Variants in SEMA3A observed in about 807,000 individuals in gnomAD.
SEMA3A encodes the protein semaphorin 3A, also known as semaphorin-3A.
Under a neutral mutation model 97.9 loss-of-function variants are expected in SEMA3A, and 29 were observed. The observed-to-expected ratio is 0.30, with a 90% CI of 0.22 to 0.40. The LOEUF (loss-of-function observed/expected upper bound fraction) is 0.40, where lower values mean the gene tolerates loss of function less well. Among genes scored for constraint, SEMA3A ranks in the 10% least tolerant of loss-of-function variants. SEMA3A has a pLI of 1.00. For missense variants in SEMA3A, 763 were observed against 951.3 expected (o/e 0.80, Z 2.60); for synonymous variants, 321 against 323.7 (o/e 0.99, Z 0.09).
intron 2 of SEMA3A, among the ~76,000 whole-genome samples, chr7:84,358,639 T>G (rs60050710): frequency 0.25 from 37,376 of 151,976 alleles, 4,950 homozygotes; most frequent in South Asian, 0.36. Flanking sequence ...TGGTTCCATA[T>G]GAACTTTAAA....
chr7:84,050,164 G>A (rs1193082932), intron 5 of SEMA3A, among the ~76,000 whole-genome samples: 2 of 151,928 alleles, frequency 1.3e-5, no homozygotes, highest in African/African-American at 2.4e-5. Flanking sequence ...GAATAATGCC[G>A]CAATAAACAT....
At chr7:84,246,094 G>C (rs115053091) in intron 3 of SEMA3A, among the ~76,000 whole-genome samples, 3,831 of 152,288 alleles carry the variant, frequency 0.025, 170 homozygotes, top group African/African-American at 0.087. Flanking sequence ...GCTACAGCAG[G>C]ATTTGCAGCA....
chr7:84,416,035 A>C (rs922472601), intron 1 of SEMA3A, among the ~76,000 whole-genome samples: 1 of 152,130 alleles, frequency 6.6e-6, no homozygotes, highest in Non-Finnish European at 1.5e-5. Context: ...CCATTTAGTT[A>C]AATAGACTCC....
intron 3 of SEMA3A, among the ~76,000 whole-genome samples, chr7:84,202,232 A>G (rs1798373971): frequency 6.6e-6 from 1 of 152,162 alleles, no homozygotes; most frequent in South Asian, 2.1e-4. Context: ...AAGTGTTCTC[A>G]CCACAAAAGT....
chr7:84,139,650 G>C (rs150422927), intron 1 of SEMA3A, among the ~76,000 whole-genome samples: 1 of 151,894 alleles, frequency 6.6e-6, no homozygotes, highest in African/African-American at 2.4e-5. Flanking sequence ...CATAGCTTGC[G>C]GGGCAGAAAA....
At chr7:84,194,277 T>C (rs962908863) in intron 1 of SEMA3A, among the ~76,000 whole-genome samples, 198 bp downstream of exon 1, 5 of 152,104 alleles carry the variant, frequency 3.3e-5, no homozygotes, top group Middle Eastern at 3.4e-3. Context: ...TTGTTTGCAT[T>C]TAAGTTGTCA....
chr7:84,336,403 CTTT>C (rs936003544), intron 2 of SEMA3A, among the ~76,000 whole-genome samples: 1 of 152,074 alleles, frequency 6.6e-6, no homozygotes, highest in Admixed American at 6.6e-5. Context: ...AAAACTTCTT[CTTT>C]TTTCCCCCCA....
At chr7:84,076,407 T>C (rs970372986) in intron 4 of SEMA3A, among the ~76,000 whole-genome samples, 3 of 152,128 alleles carry the variant, frequency 2.0e-5, no homozygotes, top group African/African-American at 4.8e-5. Flanking sequence ...AAAAACCACA[T>C]AACCTATTTC....
At chr7:84,417,794 G>A (rs1804475010) in intron 1 of SEMA3A, among the ~76,000 whole-genome samples, 1 of 152,060 alleles carries the variant, frequency 6.6e-6, no homozygotes, top group Non-Finnish European at 1.5e-5. Context: ...GGGGTTGGAT[G>A]AGTGGATAGA....
chr7:84,224,795 T>C (rs1375819055), intron 3 of SEMA3A, among the ~76,000 whole-genome samples: 2 of 152,180 alleles, frequency 1.3e-5, no homozygotes, highest in African/African-American at 4.8e-5. Context: ...GGTTCTTTTA[T>C]AGACAGACCT....
intron 12 of SEMA3A, among the ~76,000 whole-genome samples, chr7:83,996,341 C>T (rs10232264): frequency 0.17 from 22,928 of 135,876 alleles, 2,114 homozygotes; most frequent in Middle Eastern, 0.28. Context: ...CTCCCTCTGT[C>T]GCTCAGGCTG....
In SEMA3A at chr7:84,134,960, T is replaced by C. The variant is rs987862553; in HGVS notation, c.113-9A>G. ...GTTGGATTCCAACATTTCTGCAAGGTAACAAAGCAAAACATTGGGTATTAA... is the reference window on the plus strand; with the variant it reads ...GTTGGATTCCAACATTTCTGCAAGGCAACAAAGCAAAACATTGGGTATTAA... On this transcript the variant is annotated splice_polypyrimidine_tract_variant and intron_variant, in intron 1 of 16. Coordinates refer to ENST00000265362, the MANE Select transcript of SEMA3A (RefSeq NM_006080.3). 2 of 1,611,500 alleles carry C rather than the reference T, an allele frequency of 1.2e-6. No individual in the cohort carries two copies. The highest frequency in any genetic ancestry group is 3.4e-5 in the Admixed American group (2 of 59,594).
intron 1 of SEMA3A, among the ~76,000 whole-genome samples, chr7:84,445,436 G>C (rs1461336352): frequency 1.6e-5 from 2 of 121,650 alleles, no homozygotes; most frequent in African/African-American, 3.1e-5. Context: ...AGAGCTTCTA[G>C]TGAACCGAGA....
At chr7:84,491,730 A>G (rs1376304764) in intron 1 of SEMA3A, among the ~76,000 whole-genome samples, 1 of 152,166 alleles carries the variant, frequency 6.6e-6, no homozygotes, top group African/African-American at 2.4e-5. Context: ...TTTAATGGTG[A>G]ATCCAAAGTT....
chr7:84,020,962 C>T (rs779546404), intron 6 of SEMA3A, among the ~76,000 whole-genome samples: 4 of 152,134 alleles, frequency 2.6e-5, no homozygotes, highest in Non-Finnish European at 5.9e-5. Flanking sequence ...CAATTTAAGA[C>T]ATACAAACCA....
intron 1 of SEMA3A, among the ~76,000 whole-genome samples, chr7:84,424,610 A>AT (rs1804715709): frequency 2.6e-5 from 1 of 38,418 alleles, no homozygotes. Flanking sequence ...ATATTAATAT[A>AT]TAATATAATA....
At chr7:84,361,367 T>C (rs1356401905) in intron 2 of SEMA3A, among the ~76,000 whole-genome samples, 1 of 151,910 alleles carries the variant, frequency 6.6e-6, no homozygotes, top group Admixed American at 6.6e-5. Context: ...ATTATAATAT[T>C]CCTGAACAAG....
Position 84,377,707 on chromosome 7 carries a change from G to C in SEMA3A, c.-245-5807C>G, listed in dbSNP as rs564431675. Among the ~76,000 whole-genome samples, 5 of 152,230 alleles carry C rather than the reference G, an allele frequency of 3.3e-5. No individual in the cohort carries two copies. In the South Asian group the frequency reaches 6.2e-4, roughly 19 times the overall value. ...GCTGGAATTTGAATCTTTACAGTTTGATAGATAATAAGCTTAGATTTTTAT... is the reference window on the plus strand; with the variant it reads ...GCTGGAATTTGAATCTTTACAGTTTCATAGATAATAAGCTTAGATTTTTAT... On this transcript the variant is annotated intron_variant, in intron 1 of 3. Coordinates refer to the SEMA3A transcript ENST00000424555.
intron 1 of SEMA3A, among the ~76,000 whole-genome samples, chr7:84,153,075 A>C (rs1035472326): frequency 7.9e-5 from 12 of 152,116 alleles, no homozygotes; most frequent in Non-Finnish European, 1.5e-4. Context: ...GATCTTAATG[A>C]CTTTCACCTC....
Sources: allele counts gnomAD v4.1 joint callset (sites outside exome capture counted in the v4.1 genomes callset), GRCh38; gene constraint gnomAD v4.1.1; transcripts MANE v1.5; gene names NCBI Gene and HGNC (gene_info 2026-07-23, HGNC 2026-07-21).